Variants in MYO5A observed in about 807,000 individuals in gnomAD.
The protein encoded by MYO5A is myosin VA.
Under a neutral mutation model 249.7 loss-of-function variants are expected in MYO5A, and 98 were observed. The ratio of observed to expected loss-of-function variants is 0.39; its 90% CI spans 0.33 to 0.46. The LOEUF is 0.46. Among genes scored for constraint, MYO5A ranks in the 20% least tolerant of loss-of-function variants. MYO5A has a pLI of 0.98. For synonymous variants in MYO5A, 778 were observed against 810.6 expected (o/e 0.96, Z 0.68); for missense variants, 1,696 against 2,308.8 (o/e 0.73, Z 5.44).
intron 12 of MYO5A, among the ~76,000 whole-genome samples, chr15:52,390,793 C>G (rs1027770111): frequency 6.6e-6 from 1 of 152,062 alleles, no homozygotes; most frequent in Admixed American, 6.5e-5. Context: ...CTCCTGAACT[C>G]AAATATCCAC....
intron 29 of MYO5A, among the ~76,000 whole-genome samples, chr15:52,347,219 C>T (rs1364795861): frequency 6.6e-6 from 1 of 152,176 alleles, no homozygotes; most frequent in Non-Finnish European, 1.5e-5. Flanking sequence ...GCTACTCTAT[C>T]TTTCTAGACA....
intron 11 of MYO5A, among the ~76,000 whole-genome samples, chr15:52,394,253 T>C (rs1170436098): frequency 6.6e-6 from 1 of 152,184 alleles, no homozygotes; most frequent in Non-Finnish European, 1.5e-5. Flanking sequence ...TGTGGGTACA[T>C]GAGGGCAGTC....
At chr15:52,391,621 C>A (rs952515264) in intron 12 of MYO5A, among the ~76,000 whole-genome samples, 1 of 152,150 alleles carries the variant, frequency 6.6e-6, no homozygotes, top group African/African-American at 2.4e-5. Flanking sequence ...TCTTGCATTT[C>A]TTTAAATTCT....
chr15:52,460,222 G>A (rs1019482891), intron 1 of MYO5A, among the ~76,000 whole-genome samples: 1 of 152,026 alleles, frequency 6.6e-6, no homozygotes, highest in Non-Finnish European at 1.5e-5. Context: ...AGGCCGAGAC[G>A]CTCCTCACTT....
chr15:52,317,026 G>C, intron 40 of MYO5A, 22 bp downstream of exon 40: 1 of 1,605,156 alleles, frequency 6.2e-7, no homozygotes, highest in Non-Finnish European at 8.5e-7. Context: ...AAATTATTTT[G>C]TAACAGGGAA....
chr15:52,520,106 T>C (rs2077586258), intron 1 of MYO5A, among the ~76,000 whole-genome samples: 1 of 152,214 alleles, frequency 6.6e-6, no homozygotes, highest in Non-Finnish European at 1.5e-5. Context: ...AAATTTCCCA[T>C]TCTTCTTGCT....
chr15:52,493,793 C>T (rs1280848120), intron 1 of MYO5A, among the ~76,000 whole-genome samples: 3 of 152,152 alleles, frequency 2.0e-5, no homozygotes, highest in African/African-American at 7.2e-5. Flanking sequence ...AAATACCGTG[C>T]ATTCTGAGTT....
At position 52,340,329 on chromosome 15, in the gene MYO5A, C is replaced by T; in HGVS notation, c.4106G>A (p.Gly1369Glu). 2 of 1,613,948 alleles carry T rather than the reference C, an allele frequency of 1.2e-6. No individual in the cohort carries two copies. The highest frequency in any genetic ancestry group is 1.7e-6 in the Non-Finnish European group (2 of 1,180,018). Reference sequence around the variant, plus strand: ...CTCCTCCTTCAGGCTCTGGATCTCCCCACGGAGGGCCTCGGCCTCATTCTC... The same window carrying T: ...CTCCTCCTTCAGGCTCTGGATCTCCTCACGGAGGGCCTCGGCCTCATTCTC... ...SHENEAEALR[G>E]EIQSLKEENN... is the part of the protein sequence containing the mutation. Residue 1369 changes from glycine to glutamate, a missense_variant, in exon 32 of 42, where the codon GGG (glycine) becomes GAG (glutamate). By Grantham distance (98) the Gly-to-Glu change is moderately conservative. This residue lies in a region of MYO5A where 625 missense variants were observed against 908.1 expected (regional missense o/e 0.69). Transcript: ENST00000399233.
intron 1 of MYO5A, among the ~76,000 whole-genome samples, chr15:52,441,744 G>A (rs2075789984): frequency 6.6e-6 from 1 of 152,016 alleles, no homozygotes; most frequent in Admixed American, 6.6e-5. Flanking sequence ...TACCTTATAC[G>A]ATCTTCTGCT....
intron 36 of MYO5A, among the ~76,000 whole-genome samples, chr15:52,324,300 G>T (rs1238211874): frequency 6.6e-6 from 1 of 152,076 alleles, no homozygotes; most frequent in East Asian, 1.9e-4. Context: ...CACCAGGACT[G>T]GGCCACCGTG....
chr15:52,356,380 T>A (rs182672946), intron 25 of MYO5A, among the ~76,000 whole-genome samples: 1 of 152,106 alleles, frequency 6.6e-6, no homozygotes, highest in African/African-American at 2.4e-5. Context: ...AAACTACAAT[T>A]TTTTCTTAGT....
Position 52,428,501 on chromosome 15 carries a change from A to G in MYO5A, c.207T>C (p.Val69=). ...TGAGGGCTGTGAGGTCATTTTCACC[A>G]ACAAGTATGTCAGGATTTCGTAAGT... The part of the protein sequence containing the change: ...LPHLRNPDIL[V]GENDLTALSY... Residue 69 remains valine (V), a synonymous_variant, in exon 3 of 42, where the codon GTT becomes GTC. Transcript: ENST00000399233. The G allele has an allele frequency of 6.2e-7, 1 of 1,614,198 alleles. No individual in the cohort carries two copies. Among genetic ancestry groups the G allele is most frequent in the Non-Finnish European group, 8.5e-7 (1 of 1,179,998 alleles).
chr15:52,375,379 G>A lies in MYO5A; in HGVS notation c.2502C>T (p.Tyr834=), dbSNP rs769986720. The A allele has an allele frequency of 6.2e-7, 1 of 1,614,110 alleles. No individual in the cohort carries two copies. The highest frequency in any genetic ancestry group is 8.5e-7 in the Non-Finnish European group (1 of 1,180,000). ...CGATAGTGGCAGCTCGTCTAATCTT[G>A]TACCTCCTGCGGACCACATACATGC... ...YWRMYVVRRR[Y]KIRRAATIVL... is the part of the protein sequence containing the mutation. Residue 834 remains tyrosine, a synonymous_variant, in exon 20 of 42, where the codon TAC becomes TAT. Transcript: ENST00000399233.
Position 52,397,086 on chromosome 15 carries a change from C to T in MYO5A, c.1319+115G>A, listed in dbSNP as rs557897920. 1.3e-5 allele frequency: 17 copies of T among 1,292,028 alleles called. No homozygotes were observed. In the East Asian group the frequency reaches 3.6e-4, roughly 28 times the overall value. The allele number at this position is 1,292,028 out of a possible 1,614,324, so 80.0% of individuals were successfully genotyped here. A position where few individuals can be genotyped will look rare whatever the true frequency, so the allele number is the denominator to read the frequency against. ...CAAGGTATTCTTGAATTGTCATAGGCAAAGTTTCCCTTCTCTTTACCAGTA... is the reference window on the plus strand; with the variant it reads ...CAAGGTATTCTTGAATTGTCATAGGTAAAGTTTCCCTTCTCTTTACCAGTA... On this transcript the variant is annotated intron_variant, in intron 10 of 41. Transcript: ENST00000399233.
intron 2 of MYO5A, among the ~76,000 whole-genome samples, chr15:52,431,883 G>A (rs1405707466): frequency 7.9e-5 from 12 of 151,980 alleles, no homozygotes; most frequent in Admixed American, 7.9e-4. Flanking sequence ...AGCCACTAGG[G>A]AGGGAGGCTG....
intron 1 of MYO5A, among the ~76,000 whole-genome samples, chr15:52,467,438 A>T (rs2076375084): frequency 6.6e-6 from 1 of 152,232 alleles, no homozygotes; most frequent in Non-Finnish European, 1.5e-5. Flanking sequence ...AAGAATCTCA[A>T]AACTTGAAGA....
At chr15:52,449,780 G>A (rs1476279675) in intron 1 of MYO5A, among the ~76,000 whole-genome samples, 1 of 152,154 alleles carries the variant, frequency 6.6e-6, no homozygotes, top group East Asian at 1.9e-4. Context: ...GAGGAGGACT[G>A]CTTGAGTCCA....
chr15:52,364,493 A>C (rs2040710385), intron 24 of MYO5A, 61 bp downstream of exon 24: 1 of 1,493,874 alleles, frequency 6.7e-7, no homozygotes, highest in Admixed American at 1.8e-5. Flanking sequence ...CTACTATTCT[A>C]TTTACTTTTG....
chr15:52,321,353 C>A lies in MYO5A; in HGVS notation c.4951+6G>T. 1.2e-6 allele frequency: 2 copies of A among 1,614,162 alleles called. No individual in the cohort carries two copies. Among genetic ancestry groups the A allele is most frequent in the Non-Finnish European group, 1.7e-6 (2 of 1,180,034 alleles). On this transcript the variant is annotated splice_donor_region_variant and intron_variant, in intron 38 of 41. Transcript: ENST00000399233. Reference sequence around the variant, plus strand: ...GCTGCAATGCCCAGTGGGGCCCTGGCCTTACCAATCATTGGCTGAAGGATG... The same window carrying A: ...GCTGCAATGCCCAGTGGGGCCCTGGACTTACCAATCATTGGCTGAAGGATG...
Sources: allele counts gnomAD v4.1 joint callset (sites outside exome capture counted in the v4.1 genomes callset), GRCh38; gene constraint gnomAD v4.1.1; regional missense constraint gnomAD v4.1.1; transcripts MANE v1.5; gene names NCBI Gene and HGNC (gene_info 2026-07-23, HGNC 2026-07-21).